RALYL: variants seen among roughly 807,000 people sequenced by gnomAD.
The protein encoded by RALYL is RALY RNA binding protein like.
RALYL carries 29 observed loss-of-function variants against 35.1 expected under a neutral mutation model. The ratio of observed to expected loss-of-function variants is 0.83; its 90% CI spans 0.61 to 1.13. The LOEUF (loss-of-function observed/expected upper bound fraction) is 1.13. Among genes scored for constraint, RALYL ranks in the 50% most tolerant of loss-of-function variants. RALYL has a pLI of 0.00. For synonymous variants in RALYL, 120 were observed against 127.6 expected (o/e 0.94, Z 0.40); for missense variants, 359 against 360.4 (o/e 1.00, Z 0.03).
At chr8:84,577,607 CT>C (rs927513732) in intron 2 of RALYL, among the ~76,000 whole-genome samples, 12 of 151,822 alleles carry the variant, frequency 7.9e-5, no homozygotes, top group Non-Finnish European at 1.3e-4. Context: ...ATGAATTCCC[CT>C]TTTTTTTAAA....
chr8:84,705,853 A>G (rs1841110802), intron 2 of RALYL: 8 of 1,339,112 alleles, frequency 6.0e-6, no homozygotes, highest in African/African-American at 1.5e-5. Flanking sequence ...TACAGGCTGT[A>G]GCATCTCCCC....
intron 5 of RALYL, among the ~76,000 whole-genome samples, chr8:84,852,917 C>A (rs923403073): frequency 2.6e-5 from 4 of 152,108 alleles, no homozygotes; most frequent in Non-Finnish European, 5.9e-5. Context: ...ACAACAACAA[C>A]AAAAACCATG....
intron 1 of RALYL, among the ~76,000 whole-genome samples, chr8:84,451,991 G>C (rs1273378996): frequency 6.6e-6 from 1 of 151,882 alleles, no homozygotes; most frequent in African/African-American, 2.4e-5. Context: ...TGAACATCAG[G>C]CTGATGTTTA....
chr8:84,344,688 T>C (rs1343058129), intron 1 of RALYL, among the ~76,000 whole-genome samples: 15 of 152,100 alleles, frequency 9.9e-5, no homozygotes, highest in Admixed American at 9.2e-4. Context: ...TTTCCACCCT[T>C]TGATAACATT....
intron 1 of RALYL, among the ~76,000 whole-genome samples, chr8:84,503,747 G>C (rs1182780269): frequency 3.3e-5 from 5 of 150,368 alleles, no homozygotes; most frequent in Non-Finnish European, 7.5e-5. Flanking sequence ...TACTCTGAAG[G>C]CTGAGGCAGG....
At chr8:84,654,995 AG>A (rs1437977271) in intron 2 of RALYL, among the ~76,000 whole-genome samples, 1 of 152,012 alleles carries the variant, frequency 6.6e-6, no homozygotes, top group Admixed American at 6.6e-5. Flanking sequence ...GTCTATTTTC[AG>A]TTTTTTGGGG....
chr8:84,762,425 CT>C (rs1812939783), intron 2 of RALYL, among the ~76,000 whole-genome samples: 1 of 152,056 alleles, frequency 6.6e-6, no homozygotes, highest in Non-Finnish European at 1.5e-5. Context: ...GTTTTGCTTC[CT>C]TATAGAATTC....
At chr8:84,601,344 T>C (rs77949232) in intron 2 of RALYL, among the ~76,000 whole-genome samples, 3 of 151,972 alleles carry the variant, frequency 2.0e-5, no homozygotes, top group Non-Finnish European at 4.4e-5. Context: ...AAAGCTACAA[T>C]GCCTAGGGAA....
chr8:84,831,946 T>C (rs1831022158), intron 4 of RALYL, among the ~76,000 whole-genome samples: 1 of 152,062 alleles, frequency 6.6e-6, no homozygotes, highest in African/African-American at 2.4e-5. Context: ...ATAGAGGACA[T>C]GTATAAATAG....
intron 2 of RALYL, among the ~76,000 whole-genome samples, chr8:84,554,861 A>G (rs1185035290): frequency 6.6e-6 from 1 of 152,230 alleles, no homozygotes; most frequent in African/African-American, 2.4e-5. Flanking sequence ...TTTCTTCAAA[A>G]CAAAAGAGTA....
chr8:84,318,066 T>G (rs993729051), intron 1 of RALYL, among the ~76,000 whole-genome samples: 9 of 152,222 alleles, frequency 5.9e-5, no homozygotes, highest in Admixed American at 4.6e-4. Context: ...ATGTCTACCT[T>G]AATTTACTAT....
chr8:84,297,413 T>G (rs772332359), intron 1 of RALYL, among the ~76,000 whole-genome samples: 64 of 152,138 alleles, frequency 4.2e-4, no homozygotes, highest in Non-Finnish European at 7.4e-4. Context: ...TGCATAGTAT[T>G]CTATGGTGTA....
At chr8:84,786,655 T>C (rs1819541417) in intron 3 of RALYL, among the ~76,000 whole-genome samples, 1 of 152,218 alleles carries the variant, frequency 6.6e-6, no homozygotes, top group Non-Finnish European at 1.5e-5. Flanking sequence ...TCATGTCCTT[T>C]ACCTACTTTT....
At chr8:84,226,665 A>T (rs1823956550) in intron 1 of RALYL, among the ~76,000 whole-genome samples, 1 of 152,244 alleles carries the variant, frequency 6.6e-6, no homozygotes, top group African/African-American at 2.4e-5. Context: ...AATTGTACTT[A>T]GCTGAAGACT....
intron 1 of RALYL, among the ~76,000 whole-genome samples, chr8:84,488,146 C>A (rs372974388): frequency 3.3e-5 from 5 of 152,008 alleles, no homozygotes; most frequent in African/African-American, 1.2e-4. Context: ...CGAATATTTT[C>A]ATGGTACAAA....
At chr8:84,393,243 T>C (rs977462163) in intron 1 of RALYL, among the ~76,000 whole-genome samples, 1 of 151,968 alleles carries the variant, frequency 6.6e-6, no homozygotes, top group Non-Finnish European at 1.5e-5. Flanking sequence ...TGGTAAAGGA[T>C]CCGCTCCCAC....
intron 1 of RALYL, among the ~76,000 whole-genome samples, chr8:84,407,069 A>AAC (rs142315273): frequency 2.2e-4 from 31 of 140,946 alleles, no homozygotes; most frequent in Admixed American, 1.1e-3. Context: ...CACACACACA[A>AAC]ACACACACAC....
At chr8:84,353,035 A>G (rs756086467) in intron 1 of RALYL, among the ~76,000 whole-genome samples, 1 of 150,260 alleles carries the variant, frequency 6.7e-6, no homozygotes, top group Non-Finnish European at 1.5e-5. Flanking sequence ...GCGGACTTGA[A>G]AGTGCCCATG....
chr8:84,386,374 C>T (rs966057207), intron 1 of RALYL, among the ~76,000 whole-genome samples: 2 of 151,684 alleles, frequency 1.3e-5, no homozygotes, highest in Non-Finnish European at 2.9e-5. Flanking sequence ...TGTTACATAA[C>T]ATGTATCAAC....
Sources: allele counts gnomAD v4.1 joint callset (sites outside exome capture counted in the v4.1 genomes callset), GRCh38; gene constraint gnomAD v4.1.1; transcripts MANE v1.5; gene names NCBI Gene and HGNC (gene_info 2026-07-23, HGNC 2026-07-21).